The following LRRC49 variants were observed in gnomAD, a reference collection of about 807,000 sequenced individuals.
LRRC49 encodes leucine rich repeat containing 49.
LRRC49 carries 50 observed loss-of-function variants against 83.3 expected under a neutral mutation model. That is an observed-to-expected ratio of 0.60 (90% CI 0.48 to 0.76). The LOEUF is 0.76. LRRC49 is among the 30% of genes least tolerant of loss of function. The probability of loss-of-function intolerance (pLI) is 0.00; values close to 1 mark genes in which losing one functional copy is unlikely to be tolerated. For missense variants in LRRC49, 704 were observed against 809.1 expected (o/e 0.87, Z 1.58); for synonymous variants, 286 against 283.3 (o/e 1.01, Z -0.10).
At chr15:70,929,140 G>T (rs758197597) in intron 7 of LRRC49, among the ~76,000 whole-genome samples, 2 of 151,938 alleles carry the variant, frequency 1.3e-5, no homozygotes, top group Non-Finnish European at 2.9e-5. Flanking sequence ...AAAAATGACC[G>T]TAGTTTTTTC....
At chr15:70,866,674 G>C (rs534728972) in intron 1 of LRRC49, among the ~76,000 whole-genome samples, 40 of 152,082 alleles carry the variant, frequency 2.6e-4, no homozygotes, top group Admixed American at 1.3e-3. Flanking sequence ...TATAGATAAG[G>C]GTAGAAAAAT....
At chr15:70,922,549 G>A (rs2035046720) in intron 7 of LRRC49, among the ~76,000 whole-genome samples, 1 of 152,026 alleles carries the variant, frequency 6.6e-6, no homozygotes, top group Admixed American at 6.6e-5. Flanking sequence ...GGGGTTGAGG[G>A]GAGGTGGAGA....
intron 3 of LRRC49, among the ~76,000 whole-genome samples, chr15:70,899,395 G>A (rs913647280): frequency 6.6e-6 from 1 of 151,658 alleles, no homozygotes; most frequent in African/African-American, 2.4e-5. Flanking sequence ...TTTTGTTTTT[G>A]TTTTTTTAAC....
upstream of LRRC49, among the ~76,000 whole-genome samples, chr15:70,889,159 G>T (rs758790300): frequency 6.1e-4 from 93 of 152,178 alleles, no homozygotes; most frequent in Middle Eastern, 3.2e-3. Context: ...TATCACTTAT[G>T]ATAGCCCCAA....
intron 7 of LRRC49, among the ~76,000 whole-genome samples, chr15:70,922,015 A>G (rs2035025195): frequency 6.6e-6 from 1 of 152,166 alleles, no homozygotes; most frequent in African/African-American, 2.4e-5. Context: ...TATCCAAAAG[A>G]CAGGCAATAA....
rs1003225213 is a variant in LRRC49, at chr15:70,984,020, A to G, written c.1006-74A>G. ...AAAGTATTATAAGAAGGCACAAACA[A>G]TATGCCCCTTAGATGTCACTTCTGC... On this transcript the variant is annotated intron_variant, in intron 10 of 15. Coordinates refer to ENST00000260382, the MANE Select transcript of LRRC49 (RefSeq NM_017691.5). 4 of 1,102,190 alleles carry G rather than the reference A, an allele frequency of 3.6e-6. No individual in the cohort carries two copies. In the African/African-American group the frequency reaches 6.3e-5, roughly 17 times the overall value. The allele number at this position is 1,102,190 out of a possible 1,614,324, so 68.3% of individuals were successfully genotyped here. A position where few individuals can be genotyped will look rare whatever the true frequency, so the allele number is the denominator to read the frequency against.
At chr15:71,004,641 CTG>C (rs1179844776) in intron 11 of LRRC49, among the ~76,000 whole-genome samples, 2 of 139,120 alleles carry the variant, frequency 1.4e-5, no homozygotes, top group South Asian at 2.2e-4. Flanking sequence ...CAGAGTGAAA[CTG>C]TGTTAAAAAA....
intron 15 of LRRC49, among the ~76,000 whole-genome samples, chr15:71,046,053 A>G (rs1025322670): frequency 6.6e-6 from 1 of 152,192 alleles, no homozygotes; most frequent in Non-Finnish European, 1.5e-5. Flanking sequence ...TGTAGTTACT[A>G]TTCCATGGTG....
intron 6 of LRRC49, among the ~76,000 whole-genome samples, chr15:70,914,479 G>A (rs1402626975): frequency 6.6e-6 from 1 of 152,124 alleles, no homozygotes; most frequent in Non-Finnish European, 1.5e-5. Flanking sequence ...GAGGGGAAAT[G>A]GAGACAAAAC....
In LRRC49 at chr15:70,919,090, G is replaced by A; in HGVS notation, c.608G>A (p.Arg203Lys). 4 of 1,612,104 alleles carry A rather than the reference G, an allele frequency of 2.5e-6. No individual in the cohort carries two copies. Among genetic ancestry groups the A allele is most frequent in the Non-Finnish European group, 3.4e-6 (4 of 1,178,626 alleles). Residue 203 changes from arginine (R) to lysine (K), a missense_variant, in exon 7 of 16, where the codon AGA becomes AAA. By Grantham distance (26) the Arg-to-Lys change is conservative. Coordinates refer to ENST00000260382, the MANE Select transcript of LRRC49 (RefSeq NM_017691.5). ...IENINHLCEL[R>K]VLNLARNFLS... Reference sequence around the variant, plus strand: ...AATATTAATCATTTGTGTGAGTTGAGAGTTTTAAATCTTGCCAGGAACTTT... The same window carrying A: ...AATATTAATCATTTGTGTGAGTTGAAAGTTTTAAATCTTGCCAGGAACTTT...
chr15:70,929,732 A>G (rs1188052105), intron 7 of LRRC49, among the ~76,000 whole-genome samples: 4 of 152,180 alleles, frequency 2.6e-5, no homozygotes, highest in Non-Finnish European at 5.9e-5. Context: ...GTGATATTCT[A>G]AGTTGTTTGT....
At chr15:70,957,011 G>T (rs1478021346) in intron 8 of LRRC49, among the ~76,000 whole-genome samples, 2 of 152,102 alleles carry the variant, frequency 1.3e-5, no homozygotes, top group Non-Finnish European at 2.9e-5. Context: ...AGGTCTTTTA[G>T]ATCTCTGAAG....
At chr15:70,948,145 T>G (rs1384844980) in intron 8 of LRRC49, among the ~76,000 whole-genome samples, 1 of 152,110 alleles carries the variant, frequency 6.6e-6, no homozygotes, top group East Asian at 1.9e-4. Flanking sequence ...TGTTCTACTT[T>G]CAATCTCCCC....
At chr15:70,972,354 A>C (rs1480612812) in intron 9 of LRRC49, among the ~76,000 whole-genome samples, 1 of 151,922 alleles carries the variant, frequency 6.6e-6, no homozygotes, top group Non-Finnish European at 1.5e-5. Flanking sequence ...GAGAGATCCA[A>C]TGTTAGTCTG....
rs764198749 is a variant in LRRC49, at chr15:70,854,118, C to T, written c.-299+649C>T. 1.9e-5 allele frequency: 24 copies of T among 1,233,690 alleles called. No individual in the cohort carries two copies. In the South Asian group the frequency reaches 6.0e-4, roughly 31 times the overall value. The allele number at this position is 1,233,690 out of a possible 1,614,324, so 76.4% of individuals were successfully genotyped here. A position where few individuals can be genotyped will look rare whatever the true frequency, so the allele number is the denominator to read the frequency against. ...CGCGGGACTGCGGCGCCGCCGGGGT[C>T]CTCACGCCGCAAGGCCCAGCCAGCC... On this transcript the variant is annotated intron_variant, in intron 1 of 16. Transcript: ENST00000544974.
chr15:70,998,153 A>G (rs2038137513), intron 11 of LRRC49, among the ~76,000 whole-genome samples: 1 of 152,190 alleles, frequency 6.6e-6, no homozygotes, highest in Non-Finnish European at 1.5e-5. Context: ...TTGTGTGCAC[A>G]TTATAGATTT....
In LRRC49 at chr15:71,009,935, A is replaced by G. The variant is rs1202802150; in HGVS notation, c.1536A>G (p.Lys512=). 1.9e-6 allele frequency: 3 copies of G among 1,612,286 alleles called. No homozygotes were observed. The highest frequency in any genetic ancestry group is 2.5e-6 in the Non-Finnish European group (3 of 1,178,764). ...GNPVVNFTLW[K]YYVLFRLSHF... ...CAGTTGTCAATTTTACACTCTGGAA[A>G]TACTATGTACTGTTTAGGCTAAGCC... Residue 512 remains lysine (K), a synonymous_variant, in exon 13 of 16, where the codon AAA becomes AAG. Coordinates refer to ENST00000260382, the MANE Select transcript of LRRC49 (RefSeq NM_017691.5).
In LRRC49 at chr15:70,893,603, T is replaced by C. The variant is rs1183953418; in HGVS notation, c.68T>C (p.Leu23Pro). Residue 23 changes from leucine to proline, a missense_variant, in exon 2 of 16, where the codon CTG (leucine) becomes CCG (proline). Leu to Pro is a moderately conservative substitution (Grantham distance 98). This residue lies in a region of LRRC49 where 261 missense variants were observed against 330.5 expected (regional missense o/e 0.79). Transcript: ENST00000260382. ...TTTCAGGTGAACTGCGGGCTTCATCTGGTTATTCAAACATCATCGCTTCCT... is the reference window on the plus strand; with the variant it reads ...TTTCAGGTGAACTGCGGGCTTCATCCGGTTATTCAAACATCATCGCTTCCT... The part of the protein sequence containing the change: ...AANNVNCGLH[L>P]VIQTSSLPEK... 1 of 1,611,678 alleles carries C rather than the reference T, an allele frequency of 6.2e-7. No individual in the cohort carries two copies. Among genetic ancestry groups the C allele is most frequent in the African/African-American group, 1.3e-5 (1 of 74,844 alleles).
intron 10 of LRRC49, among the ~76,000 whole-genome samples, chr15:70,983,665 C>A (rs2037486268): frequency 6.6e-6 from 1 of 151,962 alleles, no homozygotes; most frequent in Admixed American, 6.6e-5. Context: ...CCTTACCAGT[C>A]TTAATTATTG....
Sources: gnomAD v4.1 joint callset for allele counts (sites outside exome capture counted in the v4.1 genomes callset) on GRCh38, gnomAD v4.1.1 for gene constraint, gnomAD v4.1.1 regional missense constraint, MANE v1.5 for transcripts, NCBI Gene and HGNC (gene_info 2026-07-23, HGNC 2026-07-21) for gene names.